The following ANO7 variants were observed in gnomAD, a reference collection of about 807,000 sequenced individuals.
ANO7 encodes the protein anoctamin-7.
Under a neutral mutation model 115.8 loss-of-function variants are expected in ANO7, and 114 were observed. The ratio of observed to expected loss-of-function variants is 0.98; its 90% CI spans 0.85 to 1.15. ANO7 has a LOEUF of 1.15. Among genes scored for constraint, ANO7 ranks in the 50% most tolerant of loss-of-function variants. The pLI, the probability that ANO7 is intolerant of heterozygous loss-of-function variation, is 0.00. For missense variants in ANO7, 1,302 were observed against 1,201.2 expected (o/e 1.08, Z -1.24); for synonymous variants, 550 against 498.2 (o/e 1.10, Z -1.38).
the ANO7 span, chr2:241,235,216 TGTC>T: frequency 6.2e-7 from 1 of 1,614,176 alleles, no homozygotes; most frequent in Non-Finnish European, 8.5e-7. Flanking sequence ...ATGGCGATGA[TGTC>T]AGACTGCAGC....
At chr2:241,207,466 T>G (rs932968857) in intron 10 of ANO7, 108 bp from the exon 11 acceptor site, 1 of 801,426 alleles carries the variant, frequency 1.2e-6, no homozygotes, top group Admixed American at 2.0e-5. Flanking sequence ...AAGGCAGTGG[T>G]GGACAGAGAG....
intron 21 of ANO7, among the ~76,000 whole-genome samples, chr2:241,221,950 G>T (rs1158273125): frequency 3.3e-5 from 5 of 152,146 alleles, no homozygotes; most frequent in South Asian, 2.1e-4. Context: ...AAAGCACTGG[G>T]ATGGCCGGGC....
intron 19 of ANO7, among the ~76,000 whole-genome samples, chr2:241,217,349 C>A (rs528930615): frequency 6.6e-6 from 1 of 152,364 alleles, no homozygotes; most frequent in South Asian, 2.1e-4. Context: ...CCTAACAGCT[C>A]CCCTGTGGGG....
At chr2:241,239,805 C>T in the ANO7 span, 1 of 1,613,896 alleles carries the variant, frequency 6.2e-7, no homozygotes, top group Non-Finnish European at 8.5e-7. This position sits in a 1 kb window ranked among gnomAD's most constrained non-coding sequence, Gnocchi z 4.6. Context: ...AGCATGGAGT[C>T]TTCCACCACA....
At chr2:241,199,478 T>C in intron 5 of ANO7, 55 bp downstream of exon 5, 1 of 1,561,160 alleles carries the variant, frequency 6.4e-7, no homozygotes, top group Non-Finnish European at 8.8e-7. Context: ...CCCCACACAC[T>C]GCGTTCAGCT....
In ANO7 at chr2:241,217,796, T is replaced by A. The variant is rs1336077259; in HGVS notation, c.2083T>A (p.Cys695Ser). 3 of 1,610,372 alleles carry A rather than the reference T, an allele frequency of 1.9e-6. No homozygotes were observed. The Admixed American group carries it at 5.0e-5, about 27-fold the overall frequency. Residue 695 changes from cysteine (C) to serine (S), a missense_variant, in exon 20 of 25, where the codon TGC becomes AGC. Transcript: ENST00000674324. ...EIRLDARKFV[C>S]EYRRPVAERA... ...CCGCTTGGACGCGCGCAAGTTCGTC[T>A]GCGAGTACCGGCGCCCGGTGGCCGA... is the stretch of plus-strand genomic sequence containing the variant.
rs1285778458 is a variant in ANO7, at chr2:241,201,448, C to T, written c.612+93C>T. On this transcript the variant is annotated intron_variant, in intron 7 of 24. Transcript: ENST00000674324. ...GCCTCCATGGATGCAGAAAGGCCTG[C>T]TTGAGACCAGAGGGCCGAGGCCTGG... The T allele has an allele frequency of 8.5e-6, 12 of 1,408,894 alleles. No individual in the cohort carries two copies. In the Admixed American group the frequency reaches 2.3e-4, roughly 27 times the overall value. 87.3% of individuals were successfully genotyped at this position (1,408,894 alleles called of 1,614,324 possible).
At chr2:241,236,663 G>A in the ANO7 span, 2 of 1,614,152 alleles carry the variant, frequency 1.2e-6, no homozygotes, top group South Asian at 1.1e-5. Context: ...GGCCAGAGAT[G>A]ATGATGATGT....
rs756865965 is a variant in ANO7 at position 241,223,855 on chromosome 2, G to A, written c.2533-50G>A. 1.4e-5 allele frequency: 22 copies of A among 1,613,472 alleles called. No individual in the cohort carries two copies. The East Asian group carries it at 1.6e-4, about 11-fold the overall frequency. The stretch of plus-strand genomic sequence containing the variant: ...CCTTGTCAGTGGCTGCTCTACCTCC[G>A]GACACTGAGTCACATCCCTCTTCCT... On this transcript the variant is annotated intron_variant, in intron 23 of 24. Transcript: ENST00000674324.
At chr2:241,214,577 G>T (rs1002024008) in intron 17 of ANO7, among the ~76,000 whole-genome samples, 4 of 152,204 alleles carry the variant, frequency 2.6e-5, no homozygotes, top group Non-Finnish European at 4.4e-5. Context: ...GGTACATATA[G>T]CAGTGCCCCC....
intron 6 of ANO7, 126 bp from the exon 7 acceptor site, chr2:241,201,172 C>A: frequency 9.1e-7 from 1 of 1,102,804 alleles, no homozygotes; most frequent in Non-Finnish European, 1.2e-6. Flanking sequence ...CTTCTGCGTG[C>A]GCGCCAGCAC....
downstream of ANO7, chr2:241,228,507 A>G (rs771157466): frequency 4.6e-5 from 7 of 152,366 alleles, no homozygotes; most frequent in Non-Finnish European, 1.0e-4. Flanking sequence ...GCCCACTCCC[A>G]CTCCAGATGG....
At chr2:241,198,053 C>T (rs2068385504) in intron 4 of ANO7, among the ~76,000 whole-genome samples, 1 of 152,228 alleles carries the variant, frequency 6.6e-6, no homozygotes, top group African/African-American at 2.4e-5. Context: ...CCAGTCCTGG[C>T]TGGCTGTCCT....
rs1008060445 is a variant in ANO7 at position 241,208,993 on chromosome 2, C to T, written c.1078-292C>T. Among the ~76,000 whole-genome samples the T allele has an allele frequency of 3.3e-5, 5 of 152,146 alleles. No homozygotes were observed. In the East Asian group the frequency reaches 7.7e-4, roughly 23 times the overall value. ...TGAAACCTCGTCTCTACTAAAAATA[C>T]AAAAATTTAGCCGGGCGTGGTGGCG... On this transcript the variant is annotated intron_variant, in intron 11 of 24. Transcript: ENST00000674324.
the ANO7 span, chr2:241,235,337 TGA>T: frequency 6.3e-7 from 1 of 1,583,182 alleles, no homozygotes; most frequent in Non-Finnish European, 8.6e-7. Context: ...CCAGAAGTGG[TGA>T]GAGGGAAGGC....
intron 6 of ANO7, among the ~76,000 whole-genome samples, chr2:241,200,603 G>A (rs1326071941): frequency 1.3e-5 from 2 of 152,204 alleles, no homozygotes; most frequent in Admixed American, 6.5e-5. Flanking sequence ...ACAGGGACAC[G>A]TTTGGCCCAT....
rs745565247 is a variant in ANO7, at chr2:241,209,417, G to A, written c.1210G>A (p.Glu404Lys). ...LAYRWDCSDY[E>K]DTEERPRPQF... is the part of the protein sequence containing the mutation. ...CTACCGCTGGGACTGCTCTGACTAC[G>A]AGGACACTGAGGTGAGCCACCCCCG... The change falls in exon 12 of 25, where the codon GAG (glutamate) becomes AAG (lysine). Residue 404 changes from glutamate to lysine, a missense_variant. Coordinates refer to ENST00000674324, the MANE Select transcript of ANO7 (RefSeq NM_001370694.2). 8.8e-6 allele frequency: 14 copies of A among 1,590,334 alleles called. No homozygotes were observed. The highest frequency in any genetic ancestry group is 5.3e-5 in the Admixed American group (3 of 57,040).
chr2:241,199,421 C>A lies in ANO7; in HGVS notation c.415C>A (p.Gln139Lys), dbSNP rs768185134. 1 of 1,613,692 alleles carries A rather than the reference C, an allele frequency of 6.2e-7. No individual in the cohort carries two copies. Among genetic ancestry groups the A allele is most frequent in the South Asian group, 1.1e-5 (1 of 91,088 alleles). The part of the protein sequence containing the change: ...AEDLRLKLPL[Q>K]ELPNQASNWS... ...AGACCTGCGCCTGAAGCTGCCCTTG[C>A]AGGTACGTGGGAGGCATGGGGACAG... Residue 139 changes from glutamine (Q) to lysine (K), a missense_variant and splice_region_variant, in exon 5 of 25, where the codon CAG becomes AAG. By Grantham distance (53) the Gln-to-Lys change is moderately conservative. Transcript: ENST00000674324.
chr2:241,201,115 G>A lies in ANO7; in HGVS notation c.555-183G>A, dbSNP rs554713388. On this transcript the variant is annotated intron_variant, in intron 6 of 24. Transcript: ENST00000674324. ...AATCGGGAGCTGCTGACCTGCCGGG[G>A]AGCCAGCTGCTTCTCCTGGGGCGAG... 2.0e-5 allele frequency among the ~76,000 whole-genome samples: 3 copies of A among 152,350 alleles called. No individual in the cohort carries two copies. In the South Asian group the frequency reaches 6.2e-4, roughly 32 times the overall value.
Sources: gnomAD v4.1 joint callset for allele counts (sites outside exome capture counted in the v4.1 genomes callset) on GRCh38, gnomAD v4.1.1 for gene constraint, Gnocchi (gnomAD v3.1) non-coding constraint, MANE v1.5 for transcripts, NCBI Gene and HGNC (gene_info 2026-07-23, HGNC 2026-07-21) for gene names.